Variants in PDE4D observed in about 807,000 individuals in gnomAD.
PDE4D encodes the protein phosphodiesterase 4D.
PDE4D carries 24 observed loss-of-function variants against 87.4 expected under a neutral mutation model. The observed-to-expected ratio is 0.27, with a 90% confidence interval of 0.20 to 0.39. The LOEUF is 0.39. PDE4D is among the 10% of genes least tolerant of loss of function. The pLI is 1.00. For missense variants in PDE4D, 714 were observed against 1,041.0 expected, an observed-to-expected ratio of 0.69 and a Z score of 4.32; for synonymous variants, 384 against 383.2, an observed-to-expected ratio of 1.00 and a Z score of -0.02.
intron 1 of PDE4D, among the ~76,000 whole-genome samples, chr5:59,857,366 C>T (rs1745591666): frequency 6.6e-6 from 1 of 152,164 alleles, no homozygotes; most frequent in South Asian, 2.1e-4. Flanking sequence ...TAGCACCTTC[C>T]TAACTCCAGA....
At chr5:59,010,033 G>C (rs1000621320) in intron 6 of PDE4D, among the ~76,000 whole-genome samples, 1 of 152,152 alleles carries the variant, frequency 6.6e-6, no homozygotes, top group Non-Finnish European at 1.5e-5. Flanking sequence ...GTTGTGAAAA[G>C]CCTTTAGGTT....
chr5:60,392,379 GTT>G (rs149301929), intron 1 of PDE4D, among the ~76,000 whole-genome samples: 4,206 of 152,234 alleles, frequency 0.028, 92 homozygotes, highest in Middle Eastern at 0.082. Context: ...GTTTTTTCTA[GTT>G]GAAGTTTCTT....
chr5:59,696,739 G>A (rs1175979832), intron 1 of PDE4D, among the ~76,000 whole-genome samples: 1 of 152,164 alleles, frequency 6.6e-6, no homozygotes, highest in Non-Finnish European at 1.5e-5. Context: ...TCATACTTTA[G>A]TCAAACTTGC....
intron 1 of PDE4D, among the ~76,000 whole-genome samples, chr5:59,816,558 A>G (rs1258117453): frequency 6.6e-6 from 1 of 152,222 alleles, no homozygotes; most frequent in African/African-American, 2.4e-5. Flanking sequence ...GGCTATGCCT[A>G]TTATATCTAA....
chr5:60,195,876 GT>G (rs1266318010), intron 1 of PDE4D, among the ~76,000 whole-genome samples: 3 of 151,684 alleles, frequency 2.0e-5, no homozygotes, highest in Non-Finnish European at 4.4e-5. Flanking sequence ...ATATACTGAT[GT>G]TTTTCCCCAC....
At chr5:58,988,991 A>G (rs1747229733) in intron 10 of PDE4D, among the ~76,000 whole-genome samples, 1 of 152,214 alleles carries the variant, frequency 6.6e-6, no homozygotes, top group African/African-American at 2.4e-5. Context: ...TCTCAACTTC[A>G]GCACTATTGA....
intron 2 of PDE4D, among the ~76,000 whole-genome samples, chr5:59,199,122 T>C (rs1237951686): frequency 6.6e-6 from 1 of 152,198 alleles, no homozygotes; most frequent in Admixed American, 6.5e-5. Flanking sequence ...AATCCTACTA[T>C]ATTTAAAGCA....
intron 1 of PDE4D, among the ~76,000 whole-genome samples, chr5:59,285,840 C>T (rs1766841422): frequency 6.6e-6 from 1 of 152,118 alleles, no homozygotes; most frequent in South Asian, 2.1e-4. Context: ...GCCAATCAGT[C>T]ACCACTGTCT....
chr5:60,437,803 T>A (rs1393625011), intron 1 of PDE4D, among the ~76,000 whole-genome samples: 1 of 152,166 alleles, frequency 6.6e-6, no homozygotes, highest in Non-Finnish European at 1.5e-5. Context: ...ATAAACAAAT[T>A]AATAAAAGCT....
intron 3 of PDE4D, among the ~76,000 whole-genome samples, chr5:59,917,550 C>T (rs1754200655): frequency 1.3e-5 from 2 of 152,170 alleles, no homozygotes; most frequent in Admixed American, 1.3e-4. Context: ...AATTTATAAC[C>T]TATAATATAT....
At position 60,232,404 on chromosome 5, in the gene PDE4D, C is replaced by G. The variant is rs560715432; in HGVS notation, c.-89-46717G>C. Among the ~76,000 whole-genome samples, 10 of 151,920 alleles carry G rather than the reference C, an allele frequency of 6.6e-5. No individual in the cohort carries two copies. The East Asian group carries it at 1.9e-3, about 30-fold the overall frequency. ...TTGCAACTTTAAATGCTTTAATTCT[C>G]TGGTCAGTTCTTCTTGGATTATGAT... On this transcript the variant is annotated intron_variant, in intron 1 of 16. Coordinates refer to the PDE4D transcript ENST00000502484.
intron 1 of PDE4D, among the ~76,000 whole-genome samples, chr5:59,408,328 G>GTA (rs1274394753): frequency 1.3e-5 from 2 of 152,214 alleles, no homozygotes; most frequent in Non-Finnish European, 2.9e-5. Context: ...CTTCCTTGTG[G>GTA]TATTAAGCCT....
chr5:59,105,525 C>T (rs933783533), intron 5 of PDE4D, among the ~76,000 whole-genome samples: 3 of 152,062 alleles, frequency 2.0e-5, no homozygotes, highest in Non-Finnish European at 4.4e-5. Context: ...TTAACCCACT[C>T]CCCTTACCCC....
intron 1 of PDE4D, among the ~76,000 whole-genome samples, chr5:59,612,711 G>A (rs1366099884): frequency 2.0e-5 from 3 of 152,160 alleles, no homozygotes; most frequent in Non-Finnish European, 4.4e-5. Flanking sequence ...AAAATAAAAG[G>A]ATAGCCTCAC....
At chr5:60,520,465 G>T (rs1021941255) in intron 1 of PDE4D, among the ~76,000 whole-genome samples, 2 of 152,208 alleles carry the variant, frequency 1.3e-5, no homozygotes, top group East Asian at 3.8e-4. Flanking sequence ...GGAGACTTCT[G>T]TTGGCCATGC....
chr5:59,258,710 A>G lies in PDE4D; in HGVS notation c.456-42742T>C, dbSNP rs111414141. Among the ~76,000 whole-genome samples, 115 of 148,604 alleles carry G rather than the reference A, an allele frequency of 7.7e-4. 3 individuals are homozygous for G. The highest frequency in any genetic ancestry group is 2.7e-3 in the African/African-American group (111 of 40,940). On this transcript the variant is annotated intron_variant, in intron 1 of 14. Coordinates refer to ENST00000340635, the MANE Select transcript of PDE4D (RefSeq NM_001104631.2). ...GATAACATATATATAATCATATATC[A>G]TATCATATATAGATATATATATCAG...
chr5:59,740,002 T>C (rs150135369), intron 1 of PDE4D, among the ~76,000 whole-genome samples: 36 of 152,308 alleles, frequency 2.4e-4, no homozygotes, highest in African/African-American at 7.7e-4. Flanking sequence ...ACTCCAACAC[T>C]GTACAATTGC....
intron 1 of PDE4D, among the ~76,000 whole-genome samples, chr5:59,742,017 G>A (rs1324772057): frequency 6.6e-6 from 1 of 152,066 alleles, no homozygotes; most frequent in Non-Finnish European, 1.5e-5. Flanking sequence ...TACTGTTGTT[G>A]TTACTGATAT....
intron 3 of PDE4D, among the ~76,000 whole-genome samples, chr5:59,921,823 C>T (rs558948494): frequency 6.6e-6 from 1 of 152,298 alleles, no homozygotes; most frequent in East Asian, 1.9e-4. Flanking sequence ...ACCAATCATC[C>T]TCCTTGTAGG....
Sources: allele counts gnomAD v4.1 joint callset (sites outside exome capture counted in the v4.1 genomes callset), GRCh38; gene constraint gnomAD v4.1.1; transcripts MANE v1.5; gene names NCBI Gene and HGNC (gene_info 2026-07-23, HGNC 2026-07-21).